Variants in ANKS1B observed in about 807,000 individuals in gnomAD.
ANKS1B encodes the protein ankyrin repeat and sterile alpha motif domain-containing protein 1B.
A neutral mutation model predicts 148.3 loss-of-function variants in ANKS1B; 36 were observed. That is an observed-to-expected ratio of 0.24 (90% CI 0.19 to 0.32). The LOEUF (loss-of-function observed/expected upper bound fraction) is 0.32. ANKS1B is among the 10% of genes least tolerant of loss of function. The pLI is 1.00. For missense variants in ANKS1B, 1,157 were observed against 1,542.6 expected (o/e 0.75, Z 4.19); for synonymous variants, 542 against 560.8 (o/e 0.97, Z 0.47).
chr12:99,068,440 G>C (rs2045202189), intron 16 of ANKS1B, among the ~76,000 whole-genome samples: 2 of 152,152 alleles, frequency 1.3e-5, no homozygotes, highest in Non-Finnish European at 2.9e-5. Flanking sequence ...AAATTTTTCA[G>C]CTCTATTATA....
chr12:98,742,191 GC>G (rs988184051), downstream of ANKS1B, among the ~76,000 whole-genome samples: 3 of 152,208 alleles, frequency 2.0e-5, no homozygotes, highest in African/African-American at 7.2e-5. Flanking sequence ...CAAGTTAGGA[GC>G]CCTGATTAAA....
At chr12:99,604,934 C>G (rs2097841107) in intron 9 of ANKS1B, among the ~76,000 whole-genome samples, 1 of 151,044 alleles carries the variant, frequency 6.6e-6, no homozygotes, top group South Asian at 2.1e-4. Context: ...CTTAAGTAAT[C>G]AAAGACTAAT....
intron 10 of ANKS1B, among the ~76,000 whole-genome samples, chr12:99,504,011 C>T (rs895506900): frequency 1.3e-5 from 2 of 152,126 alleles, no homozygotes; most frequent in Admixed American, 6.6e-5. Flanking sequence ...ATTTGTCTTG[C>T]TTTGTTCACT....
At chr12:98,908,997 C>T (rs541034171) in intron 17 of ANKS1B, among the ~76,000 whole-genome samples, 58 of 152,236 alleles carry the variant, frequency 3.8e-4, no homozygotes, top group African/African-American at 1.1e-3. Context: ...GGCTCAGTGT[C>T]TGTTCTCAAA....
chr12:99,366,878 T>A lies in ANKS1B; in HGVS notation c.1756+32753A>T, dbSNP rs146712835. On this transcript the variant is annotated intron_variant, in intron 12 of 26. Transcript: ENST00000683438. ...AAGAAATGGCCAAAAAAAATCATCA[T>A]AAACAAAATCAGAGGACAAATCACA... Among the ~76,000 whole-genome samples the A allele has an allele frequency of 4.6e-4, 70 of 152,182 alleles. 1 individual carries two copies. In the East Asian group the frequency reaches 9.3e-3, roughly 20 times the overall value.
chr12:99,265,846 A>G (rs561925248), intron 12 of ANKS1B, among the ~76,000 whole-genome samples: 2 of 152,242 alleles, frequency 1.3e-5, no homozygotes, highest in African/African-American at 4.8e-5. Flanking sequence ...TTCTCCAGTT[A>G]CTACCATGGA....
At chr12:99,785,200 T>C (rs981981212) in intron 4 of ANKS1B, among the ~76,000 whole-genome samples, 6 of 151,218 alleles carry the variant, frequency 4.0e-5, no homozygotes, top group African/African-American at 1.2e-4. Context: ...GTTGTCTCTT[T>C]TTTTTTTTTT....
chr12:99,038,177 G>A (rs1204236447), intron 17 of ANKS1B, among the ~76,000 whole-genome samples: 1 of 152,094 alleles, frequency 6.6e-6, no homozygotes, highest in Non-Finnish European at 1.5e-5. Context: ...ATGCTTCTAT[G>A]TATCATTGCT....
chr12:99,980,966 T>C (rs2095693028), intron 1 of ANKS1B, among the ~76,000 whole-genome samples: 1 of 151,982 alleles, frequency 6.6e-6, no homozygotes, highest in South Asian at 2.1e-4. Flanking sequence ...AGGTAAGAAA[T>C]GTTACAGAGA....
chr12:99,961,444 G>T (rs955440663), intron 1 of ANKS1B, among the ~76,000 whole-genome samples: 8 of 152,122 alleles, frequency 5.3e-5, no homozygotes, highest in Admixed American at 3.3e-4. Context: ...CAGCCATGAG[G>T]TGGGGCTCAA....
At chr12:99,316,313 C>T (rs2084084462) in intron 12 of ANKS1B, among the ~76,000 whole-genome samples, 1 of 152,132 alleles carries the variant, frequency 6.6e-6, no homozygotes, top group African/African-American at 2.4e-5. Flanking sequence ...CCTGTTTCTC[C>T]ACATCCTCTC....
At chr12:99,111,788 C>T (rs1485967083) in intron 15 of ANKS1B, among the ~76,000 whole-genome samples, 1 of 151,780 alleles carries the variant, frequency 6.6e-6, no homozygotes, top group Non-Finnish European at 1.5e-5. Flanking sequence ...TTCTTGCCAG[C>T]CTGCTATGGT....
rs754929519 is a variant in ANKS1B, at chr12:99,646,701, C to G, written c.1272+8366G>C. 4.7e-4 allele frequency among the ~76,000 whole-genome samples: 65 copies of G among 138,506 alleles called. 1 individual carries two copies. The highest frequency in any genetic ancestry group is 2.9e-3 in the Admixed American group (40 of 13,892). 90.9% of individuals were successfully genotyped at this position (138,506 alleles called of 152,430 possible). ...AAAAGACTCAACTATGGCTATGGCT[C>G]TGTGTGTGTGTGTGTGTTTGTGTTC... On this transcript the variant is annotated intron_variant, in intron 9 of 26. Coordinates refer to ENST00000683438, the MANE Select transcript of ANKS1B (RefSeq NM_001352186.2).
At chr12:99,442,711 A>G (rs913808065) in intron 11 of ANKS1B, among the ~76,000 whole-genome samples, 1 of 152,000 alleles carries the variant, frequency 6.6e-6, no homozygotes, top group South Asian at 2.1e-4. Flanking sequence ...GAAGATTATA[A>G]TAAAAATGAT....
intron 17 of ANKS1B, among the ~76,000 whole-genome samples, chr12:98,977,026 C>G (rs1257476510): frequency 6.6e-6 from 1 of 152,172 alleles, no homozygotes; most frequent in African/African-American, 2.4e-5. Flanking sequence ...CGACACTTCT[C>G]AATCAATGAA....
At chr12:99,271,736 C>T (rs189359237) in intron 12 of ANKS1B, among the ~76,000 whole-genome samples, 8 of 142,288 alleles carry the variant, frequency 5.6e-5, no homozygotes, top group East Asian at 2.0e-4. Flanking sequence ...ACTAGTTTGT[C>T]GAAGAGATAA....
At chr12:99,484,289 T>C (rs1039672830) in intron 10 of ANKS1B, among the ~76,000 whole-genome samples, 2 of 152,054 alleles carry the variant, frequency 1.3e-5, no homozygotes, top group Non-Finnish European at 1.5e-5. Flanking sequence ...TTAATTTCCA[T>C]GCGTTTTTAT....
chr12:98,958,108 T>TA (rs2099865468), intron 17 of ANKS1B, among the ~76,000 whole-genome samples: 2 of 152,332 alleles, frequency 1.3e-5, no homozygotes, highest in South Asian at 4.1e-4. Context: ...AAATCCTTGT[T>TA]ACAGTCACTT....
At chr12:99,690,790 CTATGA>C (rs2098675092) in intron 8 of ANKS1B, among the ~76,000 whole-genome samples, 1 of 152,156 alleles carries the variant, frequency 6.6e-6, no homozygotes, top group South Asian at 2.1e-4. Flanking sequence ...GTAAGTGGAT[CTATGA>C]TTCCGAGGTT....
Sources: gnomAD v4.1 joint callset for allele counts (sites outside exome capture counted in the v4.1 genomes callset) on GRCh38, gnomAD v4.1.1 for gene constraint, MANE v1.5 for transcripts, NCBI Gene and HGNC (gene_info 2026-07-23, HGNC 2026-07-21) for gene names.